CADPS2: variants seen among roughly 807,000 people sequenced by gnomAD.
The protein encoded by CADPS2 is calcium-dependent secretion activator 2.
In CADPS2, 93 loss-of-function variants were observed where a neutral mutation model predicts 172.5. The ratio of observed to expected loss-of-function variants is 0.54; its 90% CI spans 0.46 to 0.64. The LOEUF is 0.64. Ranked by LOEUF, CADPS2 falls within the 30% of genes least tolerant of loss-of-function variation. The pLI, the probability that CADPS2 is intolerant of heterozygous loss-of-function variation, is 0.00. For missense variants in CADPS2, 1,420 were observed against 1,565.9 expected, an observed-to-expected ratio of 0.91 and a Z score of 1.57; for synonymous variants, 546 against 555.2, an observed-to-expected ratio of 0.98 and a Z score of 0.23.
chr7:122,837,473 A>C (rs1414919499), intron 1 of CADPS2, among the ~76,000 whole-genome samples: 1 of 152,198 alleles, frequency 6.6e-6, no homozygotes, highest in Non-Finnish European at 1.5e-5. Flanking sequence ...CCCTTCCAAA[A>C]ATCAGTGAAT....
chr7:122,528,579 G>C (rs1021901557), intron 8 of CADPS2, among the ~76,000 whole-genome samples: 3 of 152,072 alleles, frequency 2.0e-5, no homozygotes, highest in Non-Finnish European at 2.9e-5. Flanking sequence ...GGGCAGTAAG[G>C]ATGGACTACA....
chr7:122,336,693 G>A (rs959033034), intron 28 of CADPS2, among the ~76,000 whole-genome samples: 2 of 152,162 alleles, frequency 1.3e-5, no homozygotes, highest in African/African-American at 4.8e-5. Context: ...GTGGATGAAT[G>A]CAAATATACA....
chr7:122,618,364 G>C lies in CADPS2; in HGVS notation c.1105-3065C>G, dbSNP rs565690422. Among the ~76,000 whole-genome samples the C allele has an allele frequency of 2.0e-5, 3 of 151,970 alleles. No individual in the cohort carries two copies. The South Asian group carries it at 6.2e-4, about 32-fold the overall frequency. On this transcript the variant is annotated intron_variant, in intron 5 of 29. Transcript: ENST00000449022. ...TCAGTAAACAAAAAAGAAAGAGAAAGAAATATAACCTTCCTGCAACTTATA... is the reference window on the plus strand; with the variant it reads ...TCAGTAAACAAAAAAGAAAGAGAAACAAATATAACCTTCCTGCAACTTATA...
chr7:122,689,120 G>C (rs1401522433), intron 2 of CADPS2, among the ~76,000 whole-genome samples: 1 of 152,066 alleles, frequency 6.6e-6, no homozygotes, highest in Non-Finnish European at 1.5e-5. Context: ...TAATATTCCT[G>C]CTATGCTACT....
intron 3 of CADPS2, among the ~76,000 whole-genome samples, chr7:122,653,748 T>C (rs2079434358): frequency 6.6e-6 from 1 of 152,166 alleles, no homozygotes; most frequent in South Asian, 2.1e-4. Context: ...TTATATCTGT[T>C]AAGGTGATCT....
intron 1 of CADPS2, among the ~76,000 whole-genome samples, chr7:122,795,605 C>T (rs564680368): frequency 2.0e-5 from 3 of 152,216 alleles, no homozygotes; most frequent in East Asian, 3.9e-4. Flanking sequence ...GAACTAAAGA[C>T]AAAAACCACA....
intron 2 of CADPS2, among the ~76,000 whole-genome samples, chr7:122,685,426 T>A (rs1308299822): frequency 6.6e-6 from 1 of 152,228 alleles, no homozygotes; most frequent in Non-Finnish European, 1.5e-5. Context: ...GCTAACACTG[T>A]CTTCTGTCTT....
chr7:122,818,009 C>T (rs1319381261), intron 1 of CADPS2, among the ~76,000 whole-genome samples: 2 of 149,470 alleles, frequency 1.3e-5, no homozygotes, highest in African/African-American at 2.5e-5. Context: ...CTTATTTCTG[C>T]ACCCCATCCC....
intron 1 of CADPS2, among the ~76,000 whole-genome samples, chr7:122,827,078 T>C (rs1805115891): frequency 6.6e-6 from 1 of 152,138 alleles, no homozygotes; most frequent in East Asian, 1.9e-4. Flanking sequence ...AACACCAATG[T>C]CAAGAATGAG....
intron 14 of CADPS2, among the ~76,000 whole-genome samples, chr7:122,469,735 T>A (rs1320673734): frequency 6.6e-6 from 1 of 152,016 alleles, no homozygotes; most frequent in Non-Finnish European, 1.5e-5. Context: ...TGTAACACAC[T>A]GTTTTAGGTA....
intron 2 of CADPS2, among the ~76,000 whole-genome samples, chr7:122,664,234 A>G (rs2080937901): frequency 1.3e-5 from 2 of 152,098 alleles, no homozygotes; most frequent in African/African-American, 4.8e-5. Flanking sequence ...ATCCAAGTCA[A>G]TATTCATCAT....
rs2251761 is a variant in CADPS2 at position 122,663,267 on chromosome 7, C to T, written c.756G>A (p.Leu252=). 1,209,224 of 1,612,156 alleles carry T rather than the reference C, an allele frequency of 0.75. 455,577 individuals are homozygous for T. The highest frequency in any genetic ancestry group is 0.78 in the Middle Eastern group (4,721 of 6,048). The change falls in exon 3 of 30, where the codon CTG becomes CTA. Residue 252 remains leucine, a synonymous_variant. Coordinates refer to ENST00000449022, the MANE Select transcript of CADPS2 (RefSeq NM_017954.11). ...MFQQILGIKK[L]EHQLLYNACQ... is the part of the protein sequence containing the mutation. The stretch of plus-strand genomic sequence containing the variant: ...ATGCATTATAAAGGAGCTGGTGTTC[C>T]AGTTTTTTAATACCCAGAATCTGCT...
intron 28 of CADPS2, among the ~76,000 whole-genome samples, chr7:122,336,082 A>G: frequency 6.6e-6 from 1 of 152,204 alleles, no homozygotes; most frequent in East Asian, 1.9e-4. Flanking sequence ...GTTCTCTCTT[A>G]CAGGTTAGGT....
intron 1 of CADPS2, among the ~76,000 whole-genome samples, chr7:122,815,702 A>C (rs552665346): frequency 2.6e-5 from 4 of 152,196 alleles, no homozygotes; most frequent in Non-Finnish European, 5.9e-5. Flanking sequence ...TTTCTACATC[A>C]TTATAAAGCC....
At chr7:122,668,593 C>T (rs2081439040) in intron 2 of CADPS2, among the ~76,000 whole-genome samples, 1 of 152,130 alleles carries the variant, frequency 6.6e-6, no homozygotes, top group South Asian at 2.1e-4. Context: ...GAGACAGAGA[C>T]AGTCTCAGTC....
intron 8 of CADPS2, among the ~76,000 whole-genome samples, chr7:122,531,254 A>G (rs1051655015): frequency 2.6e-5 from 4 of 152,220 alleles, no homozygotes; most frequent in Admixed American, 2.0e-4. Context: ...AAGAGTGTCC[A>G]CAATGGAAGA....
At chr7:122,329,766 T>C (rs995975603) in intron 28 of CADPS2, among the ~76,000 whole-genome samples, 2 of 152,116 alleles carry the variant, frequency 1.3e-5, no homozygotes, top group African/African-American at 4.8e-5. Context: ...TGGAATGAGG[T>C]CTCAATACAT....
chr7:122,819,783 A>G (rs1360309479), intron 1 of CADPS2, among the ~76,000 whole-genome samples: 2 of 151,932 alleles, frequency 1.3e-5, no homozygotes, highest in East Asian at 1.9e-4. Context: ...CCTCCTTTGC[A>G]TCCTCCTCTT....
intron 8 of CADPS2, among the ~76,000 whole-genome samples, chr7:122,518,186 C>A (rs1400777371): frequency 2.6e-5 from 4 of 151,750 alleles, no homozygotes; most frequent in Admixed American, 2.6e-4. Context: ...ATATCTATAG[C>A]CAATTTTTAA....
Sources: gnomAD v4.1 joint callset for allele counts (sites outside exome capture counted in the v4.1 genomes callset) on GRCh38, gnomAD v4.1.1 for gene constraint, MANE v1.5 for transcripts, NCBI Gene and HGNC (gene_info 2026-07-23, HGNC 2026-07-21) for gene names.